MSLN: variants seen among roughly 807,000 people sequenced by gnomAD.
MSLN encodes mesothelin.
Under a neutral mutation model 72.6 loss-of-function variants are expected in MSLN, and 82 were observed. That is an observed-to-expected ratio of 1.13 (90% confidence interval 0.94 to 1.36). The LOEUF (loss-of-function observed/expected upper bound fraction) is 1.36. Ranked by LOEUF, MSLN falls within the 40% of genes most tolerant of loss-of-function variation. The probability of loss-of-function intolerance (pLI) is 0.00; values close to 1 mark genes in which losing one functional copy is unlikely to be tolerated. For missense variants in MSLN, 1,005 were observed against 847.9 expected (o/e 1.19, Z -2.30); for synonymous variants, 456 against 387.3 (o/e 1.18, Z -2.08).
rs1205788875 is a variant in MSLN at position 765,074 on chromosome 16, G to A, written c.511-36G>A. 10 of 1,607,710 alleles carry A rather than the reference G, an allele frequency of 6.2e-6. No individual in the cohort carries two copies. The East Asian group carries it at 2.2e-4, about 36-fold the overall frequency. On this transcript the variant is annotated intron_variant, in intron 8 of 17. Coordinates refer to ENST00000545450, the MANE Select transcript of MSLN (RefSeq NM_005823.6). ...GCCAGCGCGGGGCGGAGAGGGCTCG[G>A]CAGTTCCAAAAGCGCTGAGGCCAGC...
intron 4 of MSLN, 89 bp from the exon 5 acceptor site, chr16:763,553 G>A: frequency 1.5e-6 from 2 of 1,317,972 alleles, no homozygotes; most frequent in Non-Finnish European, 2.1e-6. Flanking sequence ...CTGAACTCGG[G>A]GAGTACCTGG....
intron 16 of MSLN, 40 bp from the exon 17 acceptor site, chr16:768,339 A>C: frequency 6.7e-7 from 1 of 1,494,022 alleles, no homozygotes; most frequent in Non-Finnish European, 8.9e-7. Flanking sequence ...GCGCTGAGGG[A>C]AGGAGACCCT....
At chr16:768,618 G>T in intron 17 of MSLN, 30 bp from the exon 18 acceptor site, 1 of 1,611,406 alleles carries the variant, frequency 6.2e-7, no homozygotes, top group Non-Finnish European at 8.5e-7. Flanking sequence ...GCGTGGAGGT[G>T]GGCGCTCTGA....
rs756208208 is a variant in MSLN, at chr16:766,484, TC to T, written c.1226del (p.Pro409LeufsTer6). The T allele has an allele frequency of 1.2e-6, 2 of 1,612,022 alleles. No individual in the cohort carries two copies. The highest frequency in any genetic ancestry group is 2.7e-5 in the African/African-American group (2 of 74,742). Reference sequence around the variant, plus strand: ...AAGTCAACAAAGGGCACGAAATGAGTCCTCAGGTGACCGTCCGGCTCGGGGG... The same window carrying T: ...AAGTCAACAAAGGGCACGAAATGAGTCTCAGGTGACCGTCCGGCTCGGGGG... ...LEVNKGHEMS[P>X]QVATLIDRFV... On this transcript the variant is annotated frameshift_variant, in exon 13 of 18. Transcript: ENST00000545450. LOFTEE classifies it high-confidence loss of function.
In MSLN at chr16:765,250, G is replaced by A. The variant is rs1248738307; in HGVS notation, c.651G>A (p.Gln217=). The change falls in exon 9 of 18, where the codon CAG becomes CAA. Residue 217 remains glutamine, a synonymous_variant. Coordinates refer to ENST00000545450, the MANE Select transcript of MSLN (RefSeq NM_005823.6). The stretch of plus-strand genomic sequence containing the variant: ...TGAGCTGCCCGGGACCCCTGGACCA[G>A]GACCAGCAGGAGGCAGCCAGGGCGG... ...RLVSCPGPLD[Q]DQQEAARAAL... is the part of the protein sequence containing the mutation. 1.9e-6 allele frequency: 3 copies of A among 1,584,144 alleles called. No homozygotes were observed. The highest frequency in any genetic ancestry group is 2.6e-6 in the Non-Finnish European group (3 of 1,171,688).
intron 16 of MSLN, 67 bp from the exon 17 acceptor site, chr16:768,312 C>G (rs1424065099): frequency 1.7e-5 from 24 of 1,454,102 alleles, no homozygotes; most frequent in Non-Finnish European, 2.0e-5. Context: ...ACAGGAGAGC[C>G]TGGCAGCCCT....
At chr16:764,235 CCT>C (rs2041574249) in intron 6 of MSLN, 92 bp downstream of exon 6, 2 of 1,472,618 alleles carry the variant, frequency 1.4e-6, no homozygotes, top group African/African-American at 1.4e-5. Context: ...ACCACGGTCC[CCT>C]CTGTCCCTGC....
chr16:764,750 C>T (rs949342175), intron 7 of MSLN, 24 bp downstream of exon 7: 15 of 1,457,034 alleles, frequency 1.0e-5, no homozygotes, highest in East Asian at 7.2e-5. Context: ...CCTGAACCCA[C>T]CCCCCCGGCT....
Position 768,770 on chromosome 16 carries a change from G to A in MSLN, c.*37G>A, listed in dbSNP as rs558833859. The A allele has an allele frequency of 1.7e-5, 28 of 1,600,438 alleles. No homozygotes were observed. In the Admixed American group the frequency reaches 4.3e-4, roughly 25 times the overall value. On this transcript the variant is annotated 3_prime_UTR_variant, in exon 18 of 18. Coordinates refer to ENST00000545450, the MANE Select transcript of MSLN (RefSeq NM_005823.6). ...CCTTGCTGGCCCCAGCCCTGCTGGG[G>A]ATCCCCGCCTGGCCAGGAGCAGGCA...
intron 7 of MSLN, 44 bp from the exon 8 acceptor site, chr16:764,863 G>A (rs374230266): frequency 2.1e-5 from 34 of 1,603,264 alleles, no homozygotes; most frequent in Admixed American, 5.1e-5. Context: ...GGGTGGGGAC[G>A]GGTGTGATCA....
chr16:763,995 T>C, intron 5 of MSLN, 28 bp from the exon 6 acceptor site: 1 of 1,593,728 alleles, frequency 6.3e-7, no homozygotes, highest in Non-Finnish European at 8.5e-7. Flanking sequence ...GGGGCGATCG[T>C]GGGTGCCCAG....
At chr16:767,979 G>C (rs1450104520) in intron 16 of MSLN, among the ~76,000 whole-genome samples, 2 of 26,852 alleles carry the variant, frequency 7.4e-5, no homozygotes, top group Non-Finnish European at 1.2e-4. Flanking sequence ...CGTGTGGGGG[G>C]GCGTGGAGGG....
intron 6 of MSLN, 35 bp from the exon 7 acceptor site, chr16:764,612 C>A (rs372511442): frequency 8.2e-6 from 13 of 1,590,876 alleles, no homozygotes; most frequent in Non-Finnish European, 1.1e-5. Context: ...AGTGGCGGCT[C>A]GAAACGCTCT....
chr16:762,540 G>C lies in MSLN; in HGVS notation c.-9-132G>C, dbSNP rs543638183. 4 of 702,008 alleles carry C rather than the reference G, an allele frequency of 5.7e-6. No homozygotes were observed. The East Asian group carries it at 1.0e-4, about 18-fold the overall frequency. The allele number at this position is 702,008 out of a possible 1,614,324, so 43.5% of individuals were successfully genotyped here. The stretch of plus-strand genomic sequence containing the variant: ...TGGCTGGAGGGCAGGGCCAGGGTGC[G>C]GACACAAGCTGCAGGTACCACAGAA... On this transcript the variant is annotated intron_variant, in intron 2 of 17. Coordinates refer to ENST00000545450, the MANE Select transcript of MSLN (RefSeq NM_005823.6).
At chr16:763,793 C>CCCTCCCCCACCCCCATG in intron 5 of MSLN, 102 bp downstream of exon 5, 3 of 708,568 alleles carry the variant, frequency 4.2e-6, no homozygotes, top group African/African-American at 1.8e-5. Flanking sequence ...CTCCCCCTTC[C>CCCTCCCCCACCCCCATG]TCCTCTGCTC....
In MSLN at chr16:767,366, C is replaced by G; in HGVS notation, c.1502-10C>G. ...GAGGCCTCAGCTCGGGCCCCTCTCCCGGCGGGCAGGTGGGGCCCCCACGGA... is the reference window on the plus strand; with the variant it reads ...GAGGCCTCAGCTCGGGCCCCTCTCCGGGCGGGCAGGTGGGGCCCCCACGGA... On this transcript the variant is annotated splice_polypyrimidine_tract_variant and intron_variant, in intron 15 of 17. Coordinates refer to ENST00000545450, the MANE Select transcript of MSLN (RefSeq NM_005823.6). 6.2e-7 allele frequency: 1 copy of G among 1,610,470 alleles called. No individual in the cohort carries two copies. The highest frequency in any genetic ancestry group is 8.5e-7 in the Non-Finnish European group (1 of 1,178,890).
intron 16 of MSLN, 120 bp from the exon 17 acceptor site, chr16:768,259 T>G: frequency 9.6e-7 from 1 of 1,045,602 alleles, no homozygotes; most frequent in East Asian, 2.6e-5. Context: ...CTCCGAAGTC[T>G]GGAGAGGCTG....
At chr16:766,526 T>C (rs776446441) in intron 13 of MSLN, 36 bp downstream of exon 13, 6 of 1,611,442 alleles carry the variant, frequency 3.7e-6, no homozygotes, top group Non-Finnish European at 4.2e-6. Flanking sequence ...TGGCATGAGA[T>C]TGGGAAGGGC....
intron 5 of MSLN, 49 bp from the exon 6 acceptor site, chr16:763,974 A>G (rs2041569942): frequency 1.9e-6 from 3 of 1,587,902 alleles, no homozygotes; most frequent in Admixed American, 3.4e-5. Context: ...CTGGGTGGAC[A>G]TTGCAGGGGA....
Sources: gnomAD v4.1 joint callset for allele counts (sites outside exome capture counted in the v4.1 genomes callset) on GRCh38, gnomAD v4.1.1 for gene constraint, MANE v1.5 for transcripts, NCBI Gene and HGNC (gene_info 2026-07-23, HGNC 2026-07-21) for gene names.